Variants in PEAK1 observed in about 807,000 individuals in gnomAD.
PEAK1 encodes inactive tyrosine-protein kinase PEAK1.
A neutral mutation model predicts 124.7 loss-of-function variants in PEAK1; 54 were observed. The ratio of observed to expected loss-of-function variants is 0.43; its 90% confidence interval spans 0.35 to 0.54. PEAK1 has a LOEUF of 0.54. Ranked by LOEUF, PEAK1 falls within the 20% of genes least tolerant of loss-of-function variation. PEAK1 has a pLI of 0.01. For missense variants in PEAK1, 2,046 were observed against 2,134.5 expected, an observed-to-expected ratio of 0.96 and a Z score of 0.82; for synonymous variants, 719 against 760.0, an observed-to-expected ratio of 0.95 and a Z score of 0.89.
chr15:77,114,146 C>T lies in PEAK1; in HGVS notation c.*10G>A, dbSNP rs760875904. The T allele has an allele frequency of 4.3e-6, 7 of 1,610,872 alleles. No homozygotes were observed. The highest frequency in any genetic ancestry group is 1.1e-5 in the South Asian group (1 of 90,900). On this transcript the variant is annotated 3_prime_UTR_variant, in exon 10 of 10. Transcript: ENST00000682557. ...GTGAAGATGTAGTAAAAGCATCATC[C>T]AGGTACACATTAACGGTGCTGCAGA...
rs71405238 is a variant in PEAK1, at chr15:77,180,975, T to C, written c.952A>G (p.Asn318Asp). The C allele has an allele frequency of 6.2e-7, 1 of 1,614,138 alleles. No individual in the cohort carries two copies. The highest frequency in any genetic ancestry group is 8.5e-7 in the Non-Finnish European group (1 of 1,179,994). ...ACCACAGAATTTTCCTCATAACCAT[T>C]CAGGATTTCATCATAGCTGTCATCA... Reference protein sequence around the residue: ...DYDDSYDEILNGYEENSVVSY... With the variant: ...DYDDSYDEILDGYEENSVVSY... The change falls in exon 7 of 10, where the codon AAT becomes GAT. Residue 318 changes from asparagine (N) to aspartate (D), a missense_variant. Transcript: ENST00000682557.
chr15:77,250,192 C>T (rs1193477244), intron 6 of PEAK1, among the ~76,000 whole-genome samples: 1 of 104,122 alleles, frequency 9.6e-6, no homozygotes, highest in East Asian at 2.1e-4. Flanking sequence ...TATATATATA[C>T]ATATATATAC....
At chr15:77,405,883 C>T (rs984837743) in intron 1 of PEAK1, among the ~76,000 whole-genome samples, 1 of 152,008 alleles carries the variant, frequency 6.6e-6, no homozygotes, top group African/African-American at 2.4e-5. Context: ...AAATCTAAGT[C>T]AATAATTAAG....
At chr15:77,288,669 G>A (rs941515365) in intron 2 of PEAK1, among the ~76,000 whole-genome samples, 5 of 152,176 alleles carry the variant, frequency 3.3e-5, no homozygotes, top group African/African-American at 7.2e-5. Flanking sequence ...GAGGCTGGGC[G>A]TGGTGGCTCA....
At chr15:77,281,372 A>G (rs1448623728) in intron 5 of PEAK1, among the ~76,000 whole-genome samples, 1 of 152,182 alleles carries the variant, frequency 6.6e-6, no homozygotes, top group Non-Finnish European at 1.5e-5. Flanking sequence ...TTAACCCTAC[A>G]TAGAAAATCT....
chr15:77,205,275 TAAAAAA>T (rs374955010), intron 6 of PEAK1, among the ~76,000 whole-genome samples: 2 of 143,400 alleles, frequency 1.4e-5, no homozygotes, highest in Non-Finnish European at 3.0e-5. Context: ...TGCCTTTTTT[TAAAAAA>T]AAAAAAAAAG....
At chr15:77,220,480 CCAATA>C (rs1035551342) in intron 6 of PEAK1, among the ~76,000 whole-genome samples, 8 of 148,060 alleles carry the variant, frequency 5.4e-5, no homozygotes, top group Middle Eastern at 3.4e-3. Context: ...TATAATGTTG[CCAATA>C]CAATAGCTCA....
intron 6 of PEAK1, among the ~76,000 whole-genome samples, chr15:77,223,956 G>C (rs1459620586): frequency 1.4e-5 from 2 of 146,836 alleles, no homozygotes. Context: ...CACTCATATG[G>C]AACAACAATG....
chr15:77,259,337 A>C (rs984561614), intron 5 of PEAK1, among the ~76,000 whole-genome samples: 4 of 152,186 alleles, frequency 2.6e-5, no homozygotes, highest in Admixed American at 2.6e-4. Flanking sequence ...ATCTCATAAT[A>C]GAGACAATTT....
intron 6 of PEAK1, among the ~76,000 whole-genome samples, chr15:77,193,439 C>G (rs2057942700): frequency 6.6e-6 from 1 of 152,046 alleles, no homozygotes; most frequent in Non-Finnish European, 1.5e-5. Flanking sequence ...TTTGTATATC[C>G]CCTATCCACT....
intron 2 of PEAK1, among the ~76,000 whole-genome samples, chr15:77,292,666 C>T (rs1019010461): frequency 5.9e-5 from 9 of 151,978 alleles, no homozygotes; most frequent in African/African-American, 2.2e-4. Context: ...CCACTCCGAG[C>T]GTGCCTGCAA....
intron 8 of PEAK1, among the ~76,000 whole-genome samples, chr15:77,145,592 G>A (rs1007905419): frequency 6.6e-6 from 1 of 152,164 alleles, no homozygotes; most frequent in African/African-American, 2.4e-5. Context: ...CACTTGTGCA[G>A]GAGTAGCATG....
intron 1 of PEAK1, among the ~76,000 whole-genome samples, chr15:77,382,452 T>TA (rs1389041943): frequency 1.3e-5 from 2 of 152,222 alleles, no homozygotes; most frequent in Non-Finnish European, 2.9e-5. Context: ...TCTGTGTGGC[T>TA]ATGTGAGGCT....
chr15:77,377,445 T>C (rs985607623), intron 1 of PEAK1, among the ~76,000 whole-genome samples: 18 of 151,716 alleles, frequency 1.2e-4, no homozygotes, highest in Admixed American at 1.1e-3. Context: ...AAATACAATG[T>C]TATATATACT....
intron 2 of PEAK1, among the ~76,000 whole-genome samples, chr15:77,327,631 G>T (rs1469888737): frequency 6.6e-6 from 1 of 151,870 alleles, no homozygotes; most frequent in Non-Finnish European, 1.5e-5. Context: ...TAACAGAAAA[G>T]AAGAACTAGT....
intron 2 of PEAK1, chr15:77,332,047 G>A (rs2153033103): frequency 2.7e-6 from 1 of 366,164 alleles, no homozygotes; most frequent in South Asian, 1.2e-4. Context: ...AACCAGCCTG[G>A]CCAACATGGC....
rs998971138 is a variant in PEAK1 at position 77,333,002 on chromosome 15, C to T, written c.-603+32161G>A. ...CCTTTTCCTATTCAGGCATTCATTT[C>T]TTATTGACTTATAAGTGCTCTTCAT... On this transcript the variant is annotated intron_variant, in intron 2 of 9. Transcript: ENST00000682557. 7.5e-5 allele frequency: 68 copies of T among 910,226 alleles called. No individual in the cohort carries two copies. The African/African-American group carries it at 1.0e-3, about 14-fold the overall frequency. The allele number at this position is 910,226 out of a possible 1,614,324, so 56.4% of individuals were successfully genotyped here.
At position 77,236,435 on chromosome 15, in the gene PEAK1, G is replaced by T. The variant is rs377119399; in HGVS notation, c.-115+15932C>A. On this transcript the variant is annotated intron_variant, in intron 6 of 9. Coordinates refer to ENST00000682557, the MANE Select transcript of PEAK1 (RefSeq NM_001385026.1). ...GTTTCCGACTTGCATGAGGCCTATAGTCCCATTGTTTTGGTCAATTTCTCC... is the reference window on the plus strand; with the variant it reads ...GTTTCCGACTTGCATGAGGCCTATATTCCCATTGTTTTGGTCAATTTCTCC... Among the ~76,000 whole-genome samples, 12 of 152,296 alleles carry T rather than the reference G, an allele frequency of 7.9e-5. No individual in the cohort carries two copies. The East Asian group carries it at 1.9e-3, about 24-fold the overall frequency.
chr15:77,177,511 A>G (rs1317140613), intron 7 of PEAK1, among the ~76,000 whole-genome samples: 1 of 152,192 alleles, frequency 6.6e-6, no homozygotes, highest in African/African-American at 2.4e-5. Flanking sequence ...AAGTAAAAGC[A>G]TTAAGTGTTC....
Sources: gnomAD v4.1 joint callset for allele counts (sites outside exome capture counted in the v4.1 genomes callset) on GRCh38, gnomAD v4.1.1 for gene constraint, MANE v1.5 for transcripts, NCBI Gene and HGNC (gene_info 2026-07-23, HGNC 2026-07-21) for gene names.